RNF135: variants seen among roughly 807,000 people sequenced by gnomAD.
The protein encoded by RNF135 is ring finger protein 135.
Under a neutral mutation model 41.9 loss-of-function variants are expected in RNF135, and 46 were observed. The ratio of observed to expected loss-of-function variants is 1.10; its 90% CI spans 0.87 to 1.40. The LOEUF is 1.40. Ranked by LOEUF, RNF135 falls within the 40% of genes most tolerant of loss-of-function variation. The pLI is 0.00. For missense variants in RNF135, 539 were observed against 549.8 expected (o/e 0.98, Z 0.20); for synonymous variants, 238 against 223.8 (o/e 1.06, Z -0.57).
intron 3 of RNF135, among the ~76,000 whole-genome samples, chr17:30,988,387 T>C (rs189114168): frequency 1.3e-5 from 2 of 151,566 alleles, no homozygotes; most frequent in Admixed American, 1.3e-4. Flanking sequence ...GTTATCTTAC[T>C]GCAGAGATTC....
Position 30,999,455 on chromosome 17 carries a change from G to T in RNF135, c.*264G>T. ...AAGTTAATCCTTTTGTGTGATACAG[G>T]ATGAACTTGGGATGTTTGAACCCTG... On this transcript the variant is annotated 3_prime_UTR_variant, in exon 5 of 5. Transcript: ENST00000328381. 1 of 479,162 alleles carries T rather than the reference G, an allele frequency of 2.1e-6. No homozygotes were observed. The highest frequency in any genetic ancestry group is 3.8e-6 in the Non-Finnish European group (1 of 261,100). The allele number at this position is 479,162 out of a possible 1,614,324, so 29.7% of individuals were successfully genotyped here.
At chr17:30,996,630 A>G (rs1908366965) in intron 3 of RNF135, among the ~76,000 whole-genome samples, 3 of 152,158 alleles carry the variant, frequency 2.0e-5, no homozygotes, top group Admixed American at 2.0e-4. Flanking sequence ...TGTCACTTCA[A>G]GATACAAGTA....
intron 1 of RNF135, among the ~76,000 whole-genome samples, chr17:30,979,812 A>ACC (rs1234375428): frequency 1.5e-5 from 1 of 65,452 alleles, no homozygotes; most frequent in African/African-American, 6.4e-5. Context: ...CGGGGGGCTG[A>ACC]CCCCCCCACC....
chr17:30,972,996 G>C (rs185231974), intron 1 of RNF135: 1 of 152,202 alleles, frequency 6.6e-6, no homozygotes. Flanking sequence ...GGATGGTCTC[G>C]ATCTCTTGAC....
At chr17:30,997,517 G>T (rs1463842705) in intron 4 of RNF135, 186 bp downstream of exon 4, 1 of 666,098 alleles carries the variant, frequency 1.5e-6, no homozygotes, top group Admixed American at 2.1e-5. Context: ...AGACCCAAGA[G>T]CACTCAGAGT....
At chr17:30,969,131 G>A (rs1438737687), upstream of RNF135, 2 of 151,902 alleles carry the variant, frequency 1.3e-5, no homozygotes, top group Non-Finnish European at 2.9e-5. Flanking sequence ...TCGAACTCCT[G>A]AGTTCAGGCA....
At chr17:30,961,835 C>T in the RNF135 span, among the ~76,000 whole-genome samples, 2 of 152,164 alleles carry the variant, frequency 1.3e-5, no homozygotes, top group Non-Finnish European at 2.9e-5. Flanking sequence ...GTAAAAAATA[C>T]ACCCCTGGGT....
intron 1 of RNF135, among the ~76,000 whole-genome samples, chr17:30,979,618 G>A (rs1180347439): frequency 7.9e-6 from 1 of 125,870 alleles, no homozygotes; most frequent in Non-Finnish European, 1.7e-5. Flanking sequence ...CCGGGCAGAG[G>A]CGCCCCTCAC....
intron 4 of RNF135, among the ~76,000 whole-genome samples, chr17:30,997,894 A>C (rs1908471865): frequency 6.6e-6 from 1 of 152,254 alleles, no homozygotes; most frequent in East Asian, 1.9e-4. Context: ...CACCTAGAGT[A>C]GTCATGCTGT....
chr17:30,983,336 TATA>T lies in RNF135; in HGVS notation c.373-1280_373-1278del, dbSNP rs1907315446. On this transcript the variant is annotated intron_variant, in intron 1 of 4. Transcript: ENST00000328381. The stretch of plus-strand genomic sequence containing the variant: ...ATATATGTACATATATATATATATA[TATA>T]TATATATATATATATTTTTTTTTTT... Among the ~76,000 whole-genome samples the T allele has an allele frequency of 1.7e-4, 5 of 28,908 alleles. 1 individual carries two copies. Among genetic ancestry groups the T allele is most frequent in the African/African-American group, 1.7e-4 (2 of 11,858 alleles). 19.0% of individuals were successfully genotyped at this position (28,908 alleles called of 152,430 possible).
the RNF135 span, among the ~76,000 whole-genome samples, chr17:30,965,982 C>CA: frequency 6.6e-6 from 1 of 152,184 alleles, no homozygotes. Flanking sequence ...GAAGAAGCCA[C>CA]AAATCTTGTG....
chr17:30,993,705 T>TAA (rs889406654), intron 3 of RNF135: 47 of 591,844 alleles, frequency 7.9e-5, no homozygotes, highest in Non-Finnish European at 9.5e-5. Flanking sequence ...AGTGTTAATT[T>TAA]AAAAAAAAAA....
At chr17:30,991,705 T>A (rs528746972) in intron 3 of RNF135, among the ~76,000 whole-genome samples, 1 of 152,130 alleles carries the variant, frequency 6.6e-6, no homozygotes, top group African/African-American at 2.4e-5. Flanking sequence ...TGAGCCACCG[T>A]GCCCGGCCTA....
chr17:30,969,381 C>T (rs1411247523), upstream of RNF135: 4 of 152,354 alleles, frequency 2.6e-5, no homozygotes, highest in Admixed American at 1.3e-4. Flanking sequence ...TAGCAGCACA[C>T]ACCCACTAAA....
intron 1 of RNF135, among the ~76,000 whole-genome samples, chr17:30,983,346 TATA>T (rs1369631061): frequency 1.9e-3 from 67 of 34,542 alleles, no homozygotes; most frequent in Non-Finnish European, 3.0e-3. Context: ...TATATATATA[TATA>T]TATATTTTTT....
chr17:30,985,472 A>ACC (rs1451833260), intron 2 of RNF135, among the ~76,000 whole-genome samples: 4 of 152,156 alleles, frequency 2.6e-5, no homozygotes, highest in Non-Finnish European at 4.4e-5. Context: ...GAAGCCAGAG[A>ACC]CCTGGAAATC....
At chr17:30,982,381 G>C (rs1457024460) in intron 1 of RNF135, among the ~76,000 whole-genome samples, 1 of 152,170 alleles carries the variant, frequency 6.6e-6, no homozygotes, top group Non-Finnish European at 1.5e-5. Context: ...ATTCAGCCCA[G>C]TTTTGCTTTG....
upstream of RNF135, among the ~76,000 whole-genome samples, chr17:30,966,393 ATTATTTTTTTATTTTATT>A (rs1311554926): frequency 2.2e-4 from 28 of 125,910 alleles, no homozygotes; most frequent in Non-Finnish European, 3.6e-4. Context: ...GTTTTATTTT[ATTATTTTTTTATTTTATT>A]TTATTTTTTT....
At chr17:30,979,354 CGGGCGGGGGGCT>C (rs1906780112) in intron 1 of RNF135, 1 of 122,630 alleles carries the variant, frequency 8.2e-6, no homozygotes. Context: ...GGCGGCTGGC[CGGGCGGGGGGCT>C]GTCCCCCCCA....
Sources: gnomAD v4.1 joint callset for allele counts (sites outside exome capture counted in the v4.1 genomes callset) on GRCh38, gnomAD v4.1.1 for gene constraint, MANE v1.5 for transcripts, NCBI Gene and HGNC (gene_info 2026-07-23, HGNC 2026-07-21) for gene names.